The following ENOX2 variants were observed in gnomAD, a reference collection of about 807,000 sequenced individuals.
The protein encoded by ENOX2 is APK1 antigen.
In ENOX2, 36 loss-of-function variants were observed where a neutral mutation model predicts 45.0. That is an observed-to-expected ratio of 0.80 (90% CI 0.61 to 1.06). The LOEUF (loss-of-function observed/expected upper bound fraction) is 1.06. Ranked by LOEUF, ENOX2 falls within the 50% of genes least tolerant of loss-of-function variation. The pLI is 0.00. For missense variants in ENOX2, 423 were observed against 462.5 expected (o/e 0.91, Z 0.78); for synonymous variants, 174 against 152.3 (o/e 1.14, Z -1.05).
In ENOX2 at chrX:130,625,347, T is replaced by C; in HGVS notation, c.1713A>G (p.Lys571=). The change falls in exon 15 of 15, where the codon AAA becomes AAG. Residue 571 remains lysine (K), a synonymous_variant. Coordinates refer to ENST00000394363, the MANE Select transcript of ENOX2 (RefSeq NM_006375.4). ...GCTTCAAGCCCTCGAAGCCACAGAA[T>C]TTCCATCTCTTTTCCAGGCTGGCTC... is the stretch of plus-strand genomic sequence containing the variant. The part of the protein sequence containing the change: ...GVGASLEKRW[K]FCGFEGLKLT The C allele has an allele frequency of 8.3e-7, 1 of 1,211,575 alleles. No homozygotes were observed. The highest frequency in any genetic ancestry group is 1.8e-5 in the South Asian group (1 of 56,970).
chrX:130,631,164 C>A (rs903805136), intron 13 of ENOX2, among the ~76,000 whole-genome samples: 5 of 110,921 alleles, frequency 4.5e-5, no homozygotes, highest in African/African-American at 1.6e-4. Context: ...TCTATCCTTG[C>A]ACAGATATTT....
intron 3 of ENOX2, among the ~76,000 whole-genome samples, chrX:130,783,293 G>C (rs1169556959): frequency 1.8e-5 from 2 of 111,941 alleles, no homozygotes; most frequent in African/African-American, 6.5e-5. Context: ...TTCCTCATTT[G>C]TGCTCTCATC....
At chrX:130,884,750 G>A (rs2078873717) in intron 2 of ENOX2, among the ~76,000 whole-genome samples, 1 of 111,515 alleles carries the variant, frequency 9.0e-6, no homozygotes, top group Non-Finnish European at 1.9e-5. Context: ...GAGAGAAAGA[G>A]AGACACAGAG....
chrX:130,654,186 T>C (rs2036480591), intron 10 of ENOX2, among the ~76,000 whole-genome samples: 1 of 112,091 alleles, frequency 8.9e-6, no homozygotes, highest in Admixed American at 9.5e-5. Context: ...CATGATTTGC[T>C]TTGATGTGAT....
At chrX:130,877,676 G>A (rs1428476780) in intron 2 of ENOX2, among the ~76,000 whole-genome samples, 3 of 111,771 alleles carry the variant, frequency 2.7e-5, no homozygotes, top group African/African-American at 6.5e-5. Context: ...ATGGGGAGTC[G>A]TCTACTCCAT....
At chrX:130,885,256 G>A (rs957220527) in intron 2 of ENOX2, among the ~76,000 whole-genome samples, 2 of 111,249 alleles carry the variant, frequency 1.8e-5, no homozygotes, top group Admixed American at 9.5e-5. Flanking sequence ...CCCATCAACC[G>A]AGAGGCAGCC....
intron 2 of ENOX2, among the ~76,000 whole-genome samples, chrX:130,876,991 G>C (rs1339715941): frequency 9.0e-6 from 1 of 111,728 alleles, no homozygotes; most frequent in Non-Finnish European, 1.9e-5. Context: ...GTATGAAAGG[G>C]AGTGAGGGAA....
chrX:130,703,897 G>C (rs963590919), intron 3 of ENOX2, among the ~76,000 whole-genome samples: 4 of 110,909 alleles, frequency 3.6e-5, no homozygotes, highest in African/African-American at 9.9e-5. Context: ...GATGATGATG[G>C]TGATAATTAT....
intron 3 of ENOX2, among the ~76,000 whole-genome samples, chrX:130,708,589 T>C: frequency 8.9e-6 from 1 of 112,543 alleles, no homozygotes; most frequent in African/African-American, 3.2e-5. Context: ...ATTTTTCTGA[T>C]CTTTTTCCAT....
chrX:130,866,391 T>C (rs1442940615), intron 2 of ENOX2, among the ~76,000 whole-genome samples: 1 of 112,123 alleles, frequency 8.9e-6, no homozygotes, highest in Non-Finnish European at 1.9e-5. Flanking sequence ...TTTAATAGTT[T>C]CCCATTGCCA....
In ENOX2 at chrX:130,628,140, G is replaced by C. The variant is rs954556175; in HGVS notation, c.1529-97C>G. The C allele has an allele frequency of 6.8e-5, 38 of 555,713 alleles. No homozygotes were observed. In the African/African-American group the frequency reaches 7.6e-4, roughly 11 times the overall value. The allele number at this position is 555,713 out of a possible 1,213,427, so 45.8% of individuals were successfully genotyped here. A position where few individuals can be genotyped will look rare whatever the true frequency, so the allele number is the denominator to read the frequency against. On this transcript the variant is annotated intron_variant, in intron 13 of 14. Transcript: ENST00000394363. ...CAAGAGCTGACTCATATGTACAACA[G>C]AAATATACTGGACACTATTCTAAGT...
chrX:130,749,619 T>A (rs975131825), intron 3 of ENOX2, among the ~76,000 whole-genome samples: 3 of 110,479 alleles, frequency 2.7e-5, no homozygotes, highest in African/African-American at 9.9e-5. Context: ...ATGATTTGAA[T>A]AATTTTTGCC....
intron 2 of ENOX2, among the ~76,000 whole-genome samples, chrX:130,829,494 T>C (rs1409033735): frequency 9.0e-6 from 1 of 111,618 alleles, no homozygotes; most frequent in African/African-American, 3.3e-5. Context: ...ACTATCACCC[T>C]GAAGCAAAAT....
At chrX:130,645,963 G>C in intron 10 of ENOX2, 1 of 683,867 alleles carries the variant, frequency 1.5e-6, no homozygotes, top group Admixed American at 2.2e-5. Context: ...CTCCATTCAA[G>C]GGAAACACCT....
chrX:130,750,267 A>C (rs1168714972), intron 3 of ENOX2, among the ~76,000 whole-genome samples: 1 of 108,413 alleles, frequency 9.2e-6, no homozygotes, highest in East Asian at 2.9e-4. Flanking sequence ...CTCTTTGTTC[A>C]TTTCTTTGTC....
intron 2 of ENOX2, among the ~76,000 whole-genome samples, chrX:130,899,996 G>A (rs768180289): frequency 8.9e-5 from 10 of 111,934 alleles, no homozygotes; most frequent in East Asian, 2.8e-4. Flanking sequence ...CTCCGCTCAC[G>A]TCACTACTCT....
intron 2 of ENOX2, among the ~76,000 whole-genome samples, chrX:130,821,997 G>A (rs1271924677): frequency 1.9e-5 from 2 of 103,191 alleles, no homozygotes; most frequent in Non-Finnish European, 3.9e-5. Context: ...GAGCTCAGGA[G>A]GCAGAGGTTG....
At chrX:130,876,895 A>C (rs926391268) in intron 2 of ENOX2, among the ~76,000 whole-genome samples, 3 of 111,920 alleles carry the variant, frequency 2.7e-5, no homozygotes, top group African/African-American at 9.7e-5. Context: ...CCTACCGTAT[A>C]CTAGAGACTG....
chrX:130,859,048 C>G (rs769326010), intron 2 of ENOX2, among the ~76,000 whole-genome samples: 12 of 112,664 alleles, frequency 1.1e-4, no homozygotes, highest in African/African-American at 3.5e-4. Flanking sequence ...AACAGCCTGG[C>G]TGGGCACGGT....
Sources: allele counts gnomAD v4.1 joint callset (sites outside exome capture counted in the v4.1 genomes callset), GRCh38; gene constraint gnomAD v4.1.1; transcripts MANE v1.5; gene names NCBI Gene and HGNC (gene_info 2026-07-23, HGNC 2026-07-21).